ABCA4: variants seen among roughly 807,000 people sequenced by gnomAD.
ABCA4 encodes retinal-specific phospholipid-transporting ATPase ABCA4.
A neutral mutation model predicts 263.7 loss-of-function variants in ABCA4; 196 were observed. The ratio of observed to expected loss-of-function variants is 0.74; its 90% confidence interval spans 0.66 to 0.84. ABCA4 has a LOEUF of 0.84. Ranked by LOEUF, ABCA4 falls within the 40% of genes least tolerant of loss-of-function variation. The probability of loss-of-function intolerance (pLI) is 0.00; values close to 1 mark genes in which losing one functional copy is unlikely to be tolerated. For synonymous variants in ABCA4, 1,133 were observed against 1,094.2 expected, an observed-to-expected ratio of 1.04 and a Z score of -0.70; for missense variants, 2,792 against 2,855.1, an observed-to-expected ratio of 0.98 and a Z score of 0.50.
intron 24 of ABCA4, among the ~76,000 whole-genome samples, chr1:94,039,767 G>GA (rs1660437585): frequency 6.6e-6 from 1 of 152,234 alleles, no homozygotes; most frequent in Non-Finnish European, 1.5e-5. Flanking sequence ...AGGGCAGGGG[G>GA]ACCCCAGGAA....
At chr1:94,073,580 A>G (rs1661463799) in intron 11 of ABCA4, among the ~76,000 whole-genome samples, 1 of 152,168 alleles carries the variant, frequency 6.6e-6, no homozygotes, top group Admixed American at 6.5e-5. Context: ...TAACGAGCCT[A>G]TTAGGTAAGT....
intron 26 of ABCA4, 36 bp from the exon 27 acceptor site, chr1:94,032,079 G>A (rs955219914): frequency 1.9e-6 from 3 of 1,602,582 alleles, no homozygotes; most frequent in African/African-American, 1.3e-5. Flanking sequence ...TTTGGAAAAT[G>A]CCTATAAGGT....
chr1:94,120,887 G>GGCCCCCCCCCCCCCC, intron 1 of ABCA4, 93 bp downstream of exon 1: 2 of 339,360 alleles, frequency 5.9e-6, no homozygotes, highest in Non-Finnish European at 1.1e-5. Context: ...CCCCCACCCT[G>GGCCCCCCCCCCCCCC]CCCCACCACC....
At position 94,031,732 on chromosome 1, in the gene ABCA4, G is replaced by A. The variant is rs146907858; in HGVS notation, c.4128+46C>T. On this transcript the variant is annotated intron_variant, in intron 27 of 49. Coordinates refer to ENST00000370225, the MANE Select transcript of ABCA4 (RefSeq NM_000350.3). ...CACTCAGGAGAGGAGGGGAAGGCTG[G>A]GAGAGGAGCCACTGAGCTCAGCTAA... is the stretch of plus-strand genomic sequence containing the variant. 247 of 1,611,332 alleles carry A rather than the reference G, an allele frequency of 1.5e-4. No homozygotes were observed. The African/African-American group carries it at 2.9e-3, about 19-fold the overall frequency.
rs148267712 is a variant in ABCA4 at position 94,119,866 on chromosome 1, C to T, written c.66+1114G>A. Among the ~76,000 whole-genome samples, 287 of 152,202 alleles carry T rather than the reference C, an allele frequency of 1.9e-3. 1 individual carries two copies. Among genetic ancestry groups the T allele is most frequent in the African/African-American group, 6.4e-3 (267 of 41,504 alleles). On this transcript the variant is annotated intron_variant, in intron 1 of 49. Transcript: ENST00000370225. ...TCACCTACATGAACTTATTCTGAAC[C>T]GAGATTTGGAACAAATACTGTTCTC...
At chr1:94,046,645 C>T (rs186294941) in intron 19 of ABCA4, among the ~76,000 whole-genome samples, 2 of 152,152 alleles carry the variant, frequency 1.3e-5, no homozygotes, top group East Asian at 3.9e-4. Flanking sequence ...TGAGCCATGA[C>T]AACTTGGTGG....
At chr1:93,998,145 T>A (rs1659064127) in intron 47 of ABCA4, 35 bp from the exon 48 acceptor site, 1 of 1,613,740 alleles carries the variant, frequency 6.2e-7, no homozygotes, top group Non-Finnish European at 8.5e-7. Flanking sequence ...CAGGCCTCTG[T>A]TAGTGGTTGG....
rs114152972 is a variant in ABCA4 at position 94,004,764 on chromosome 1, C to T, written c.6147+677G>A. Among the ~76,000 whole-genome samples, 993 of 152,250 alleles carry T rather than the reference C, an allele frequency of 6.5e-3. 7 individuals are homozygous for T. Among genetic ancestry groups the T allele is most frequent in the Middle Eastern group, 0.024 (7 of 294 alleles). ...ATATCCCCAGAAGTACTGTTTCCTC[C>T]CATTTTTCTTTCTTCCCATTTTCTT... On this transcript the variant is annotated intron_variant, in intron 44 of 49. Coordinates refer to ENST00000370225, the MANE Select transcript of ABCA4 (RefSeq NM_000350.3).
At chr1:94,094,282 C>T (rs536159974) in intron 6 of ABCA4, among the ~76,000 whole-genome samples, 3 of 152,284 alleles carry the variant, frequency 2.0e-5, no homozygotes, top group South Asian at 2.1e-4. Context: ...CCACGCTTCT[C>T]CCCAGTGACT....
At position 93,997,872 on chromosome 1, in the gene ABCA4, T is replaced by C. The variant is rs779585931; in HGVS notation, c.6718A>G (p.Thr2240Ala). Residue 2240 changes from threonine to alanine, a missense_variant, in exon 48 of 50, where the codon ACA (threonine) becomes GCA (alanine). Coordinates refer to ENST00000370225, the MANE Select transcript of ABCA4 (RefSeq NM_000350.3). ...CAGGGCCAACTTGCCTGGTCCAGTG[T>C]GGTCTGTGTGACTGAGTACTCCTCG... is the stretch of plus-strand genomic sequence containing the variant. ...LIEEYSVTQT[T>A]LDQVFVNFAK... The C allele has an allele frequency of 3.7e-5, 59 of 1,613,978 alleles. No individual in the cohort carries two copies. The highest frequency in any genetic ancestry group is 1.8e-4 in the Admixed American group (11 of 59,990).
intron 1 of ABCA4, among the ~76,000 whole-genome samples, chr1:94,117,028 TTTTC>T (rs1310643060): frequency 1.0e-3 from 115 of 109,924 alleles, no homozygotes; most frequent in Admixed American, 3.3e-3. Flanking sequence ...CTTTCTTTCC[TTTTC>T]TTTCTTTCTT....
rs758707705 is a variant in ABCA4 at position 94,010,790 on chromosome 1, A to C, written c.5714+10T>G. ...GCTGCCCACTGGCCCAGGGTGTGGC[A>C]TGGACGTACCATTGGGAGAGGAAGA... On this transcript the variant is annotated intron_variant, in intron 40 of 49. Transcript: ENST00000370225. The C allele has an allele frequency of 6.2e-7, 1 of 1,614,150 alleles. No individual in the cohort carries two copies. Among genetic ancestry groups the C allele is most frequent in the Non-Finnish European group, 8.5e-7 (1 of 1,180,014 alleles).
chr1:93,998,949 C>A (rs986317690), intron 47 of ABCA4, among the ~76,000 whole-genome samples: 1 of 147,550 alleles, frequency 6.8e-6, no homozygotes, highest in Non-Finnish European at 1.5e-5. Flanking sequence ...CAGGGTTTCA[C>A]TATGTTGGCC....
chr1:94,082,615 TG>T (rs1387281993), intron 7 of ABCA4, among the ~76,000 whole-genome samples: 1 of 152,196 alleles, frequency 6.6e-6, no homozygotes, highest in East Asian at 1.9e-4. Flanking sequence ...TTTTCCAGGT[TG>T]GTGGAGCCCA....
At chr1:94,090,247 G>A (rs1212630099) in intron 6 of ABCA4, among the ~76,000 whole-genome samples, 1 of 151,622 alleles carries the variant, frequency 6.6e-6, no homozygotes, top group African/African-American at 2.4e-5. Context: ...TCAAGGGCTT[G>A]TTTTAACTAA....
intron 11 of ABCA4, among the ~76,000 whole-genome samples, chr1:94,068,078 T>G (rs895257368): frequency 6.6e-6 from 1 of 152,206 alleles, no homozygotes; most frequent in African/African-American, 2.4e-5. Flanking sequence ...AAATAATATG[T>G]CTGGGAACAT....
chr1:94,063,951 A>G (rs1352285868), intron 11 of ABCA4, among the ~76,000 whole-genome samples: 1 of 151,776 alleles, frequency 6.6e-6, no homozygotes, highest in African/African-American at 2.4e-5. Flanking sequence ...AAAAAAAACC[A>G]TTACCCACAA....
At chr1:94,087,979 T>C (rs919671457) in intron 6 of ABCA4, among the ~76,000 whole-genome samples, 2 of 152,184 alleles carry the variant, frequency 1.3e-5, no homozygotes, top group African/African-American at 4.8e-5. Flanking sequence ...AATCTACCTC[T>C]GATCGCTTAT....
chr1:93,997,165 G>A (rs545919899), intron 48 of ABCA4, among the ~76,000 whole-genome samples: 12 of 152,162 alleles, frequency 7.9e-5, no homozygotes, highest in Non-Finnish European at 1.8e-4. Flanking sequence ...ATATTTTACC[G>A]CAATAAAAAA....
Sources: allele counts gnomAD v4.1 joint callset (sites outside exome capture counted in the v4.1 genomes callset), GRCh38; gene constraint gnomAD v4.1.1; transcripts MANE v1.5; gene names NCBI Gene and HGNC (gene_info 2026-07-23, HGNC 2026-07-21).